Variants in ABHD3 observed in about 807,000 individuals in gnomAD.
ABHD3 encodes the protein abhydrolase domain containing 3, phospholipase.
A neutral mutation model predicts 48.8 loss-of-function variants in ABHD3; 46 were observed. The ratio of observed to expected loss-of-function variants is 0.94; its 90% CI spans 0.74 to 1.20. The LOEUF (loss-of-function observed/expected upper bound fraction) is 1.20. ABHD3 is among the 50% of genes most tolerant of loss of function. ABHD3 has a pLI of 0.00. For missense variants in ABHD3, 490 were observed against 497.8 expected, an observed-to-expected ratio of 0.98 and a Z score of 0.15; for synonymous variants, 192 against 183.7, an observed-to-expected ratio of 1.04 and a Z score of -0.36.
chr18:21,688,815 G>A (rs1161554299), intron 3 of ABHD3, among the ~76,000 whole-genome samples: 5 of 152,146 alleles, frequency 3.3e-5, no homozygotes, highest in African/African-American at 1.2e-4. Flanking sequence ...ATTGTAAAGG[G>A]AGTAATCCAA....
chr18:21,669,238 T>C (rs1433088793), intron 4 of ABHD3, among the ~76,000 whole-genome samples: 1 of 152,106 alleles, frequency 6.6e-6, no homozygotes, highest in East Asian at 1.9e-4. Context: ...ATAAAGCTCC[T>C]TATGCCTCAA....
chr18:21,687,595 A>C (rs1252619029), intron 3 of ABHD3, among the ~76,000 whole-genome samples: 2 of 152,166 alleles, frequency 1.3e-5, no homozygotes, highest in African/African-American at 2.4e-5. Context: ...TATATGAGGG[A>C]AATTGTTCTG....
At chr18:21,701,292 C>T (rs1471833985) in intron 3 of ABHD3, 9 of 151,318 alleles carry the variant, frequency 5.9e-5, no homozygotes, top group Non-Finnish European at 1.3e-4. Flanking sequence ...TGGTTCACTA[C>T]AGTCTCTACC....
chr18:21,669,093 C>T (rs1486349460), intron 4 of ABHD3, among the ~76,000 whole-genome samples: 1 of 152,006 alleles, frequency 6.6e-6, no homozygotes, highest in Non-Finnish European at 1.5e-5. Flanking sequence ...AAAACCCACA[C>T]CCAAAATTAG....
At chr18:21,678,778 T>TAAAC (rs1010825036) in intron 4 of ABHD3, among the ~76,000 whole-genome samples, 1 of 152,132 alleles carries the variant, frequency 6.6e-6, no homozygotes, top group African/African-American at 2.4e-5. Flanking sequence ...ATCTGAGGTT[T>TAAAC]GCTCTACTGA....
chr18:21,669,480 AG>A (rs1209214530), intron 4 of ABHD3, among the ~76,000 whole-genome samples: 1 of 152,060 alleles, frequency 6.6e-6, no homozygotes, highest in Non-Finnish European at 1.5e-5. Context: ...GTCAATACCC[AG>A]TTCTTGAAGC....
intron 4 of ABHD3, among the ~76,000 whole-genome samples, chr18:21,680,295 T>C (rs1054430748): frequency 5.9e-5 from 9 of 152,204 alleles, no homozygotes; most frequent in Admixed American, 2.0e-4. Flanking sequence ...GGATTACAGG[T>C]GTGAGTCACC....
At chr18:21,663,857 C>T (rs2039559251) in intron 5 of ABHD3, 3 of 1,493,266 alleles carry the variant, frequency 2.0e-6, no homozygotes, top group South Asian at 1.3e-5. Context: ...ATGCAATCGA[C>T]TTCATGGGCT....
chr18:21,691,280 A>T (rs1249659346), intron 3 of ABHD3, among the ~76,000 whole-genome samples: 2 of 152,186 alleles, frequency 1.3e-5, no homozygotes, highest in Non-Finnish European at 2.9e-5. Context: ...TACATGAAGC[A>T]AAATTAATAG....
At chr18:21,699,535 T>C (rs769282458) in intron 3 of ABHD3, among the ~76,000 whole-genome samples, 3 of 152,116 alleles carry the variant, frequency 2.0e-5, no homozygotes, top group Admixed American at 2.0e-4. Context: ...GTTGCAAAAA[T>C]ATTTTGAAGC....
intron 5 of ABHD3, chr18:21,662,162 G>T (rs1203380626): frequency 6.6e-6 from 1 of 151,974 alleles, no homozygotes; most frequent in Non-Finnish European, 1.5e-5. Context: ...AGAGATGGGG[G>T]TTTCACCATG....
intron 4 of ABHD3, among the ~76,000 whole-genome samples, chr18:21,672,325 T>C (rs2039774477): frequency 6.6e-6 from 1 of 152,182 alleles, no homozygotes; most frequent in African/African-American, 2.4e-5. Context: ...TCAGAATCCT[T>C]CTCTTTCAGG....
chr18:21,697,386 T>C (rs1267260233), intron 3 of ABHD3, among the ~76,000 whole-genome samples: 2 of 151,340 alleles, frequency 1.3e-5, no homozygotes, highest in Non-Finnish European at 2.9e-5. Flanking sequence ...TTATCCTTTT[T>C]TTAAAAAAAC....
At chr18:21,683,515 A>C (rs2040055178) in intron 4 of ABHD3, 1 of 513,892 alleles carries the variant, frequency 1.9e-6, no homozygotes, top group Non-Finnish European at 4.0e-6. Context: ...TGTGTTTTGC[A>C]TTAAAAATGA....
At chr18:21,658,738 G>A (rs570652895) in intron 6 of ABHD3, among the ~76,000 whole-genome samples, 2 of 151,872 alleles carry the variant, frequency 1.3e-5, no homozygotes, top group Non-Finnish European at 2.9e-5. Context: ...TTTTGGTACA[G>A]TAGTAAATTT....
intron 3 of ABHD3, among the ~76,000 whole-genome samples, chr18:21,693,271 C>T (rs925961323): frequency 4.6e-5 from 7 of 152,214 alleles, no homozygotes; most frequent in Non-Finnish European, 7.3e-5. Context: ...TCTTTATACA[C>T]ATTACACGCA....
intron 4 of ABHD3, among the ~76,000 whole-genome samples, chr18:21,677,958 C>T (rs1234356380): frequency 1.4e-5 from 2 of 141,172 alleles, no homozygotes; most frequent in African/African-American, 2.7e-5. Context: ...CCACCGTGCC[C>T]AACCTATTTT....
intron 3 of ABHD3, among the ~76,000 whole-genome samples, chr18:21,698,230 G>A (rs1480766639): frequency 6.6e-6 from 1 of 151,048 alleles, no homozygotes; most frequent in East Asian, 1.9e-4. Context: ...CTGTCGCCCA[G>A]CCTGGAGTGC....
chr18:21,679,634 T>G (rs2146312621), intron 4 of ABHD3, among the ~76,000 whole-genome samples: 1 of 152,280 alleles, frequency 6.6e-6, no homozygotes, highest in African/African-American at 2.4e-5. Context: ...ATTCAAATGA[T>G]TTTCCTGCCT....
Sources: allele counts gnomAD v4.1 joint callset (sites outside exome capture counted in the v4.1 genomes callset), GRCh38; gene constraint gnomAD v4.1.1; transcripts MANE v1.5; gene names NCBI Gene and HGNC (gene_info 2026-07-23, HGNC 2026-07-21).